Variants in EPB41L3 observed in about 807,000 individuals in gnomAD.
EPB41L3 encodes erythrocyte membrane protein band 4.1 like 3, also known as band 4.1-like protein 3.
A neutral mutation model predicts 127.1 loss-of-function variants in EPB41L3; 57 were observed. The observed-to-expected ratio is 0.45, with a 90% confidence interval of 0.36 to 0.56. The LOEUF is 0.56. EPB41L3 is among the 20% of genes least tolerant of loss of function. EPB41L3 has a pLI of 0.00. For missense variants in EPB41L3, 1,273 were observed against 1,372.2 expected, an observed-to-expected ratio of 0.93 and a Z score of 1.14; for synonymous variants, 572 against 549.5, an observed-to-expected ratio of 1.04 and a Z score of -0.57.
intron 11 of EPB41L3, among the ~76,000 whole-genome samples, chr18:5,420,461 T>A (rs2077340252): frequency 6.6e-6 from 1 of 152,204 alleles, no homozygotes; most frequent in Admixed American, 6.5e-5. Context: ...ATATTAACCA[T>A]CTTGGTAGAG....
At position 5,471,074 on chromosome 18, in the gene EPB41L3, C is replaced by A. The variant is rs139264598; in HGVS notation, c.381+7167G>T. ...TAGGTGTGAGCTGGTACCTGCCATG[C>A]AGGAGCAGAGTGGGCGTCAGGCAGG... On this transcript the variant is annotated intron_variant, in intron 3 of 22. Transcript: ENST00000341928. 4.4e-3 allele frequency among the ~76,000 whole-genome samples: 668 copies of A among 152,232 alleles called. 5 individuals are homozygous for A. The highest frequency in any genetic ancestry group is 0.015 in the African/African-American group (637 of 41,532).
chr18:5,409,254 T>C (rs1356332037), intron 14 of EPB41L3, among the ~76,000 whole-genome samples: 1 of 152,208 alleles, frequency 6.6e-6, no homozygotes, highest in East Asian at 1.9e-4. Flanking sequence ...AGGTACTCCC[T>C]TGCATGCTTT....
chr18:5,461,400 T>C (rs549136358), intron 3 of EPB41L3, among the ~76,000 whole-genome samples: 46 of 152,196 alleles, frequency 3.0e-4, no homozygotes, highest in Non-Finnish European at 5.6e-4. Flanking sequence ...TGAGGTGCAT[T>C]CCTAAGTGCA....
At chr18:5,542,970 G>A (rs960975373) in intron 1 of EPB41L3, among the ~76,000 whole-genome samples, 3 of 152,070 alleles carry the variant, frequency 2.0e-5, no homozygotes, top group Non-Finnish European at 2.9e-5. Context: ...CAACTCCAGC[G>A]GTCCGAAGCC....
At position 5,393,359 on chromosome 18, in the gene EPB41L3, C is replaced by T; in HGVS notation, c.*126G>A. The T allele has an allele frequency of 1.7e-6, 1 of 593,068 alleles. No homozygotes were observed. Among genetic ancestry groups the T allele is most frequent in the Non-Finnish European group, 3.0e-6 (1 of 332,040 alleles). 36.7% of individuals were successfully genotyped at this position (593,068 alleles called of 1,614,324 possible). A position where few individuals can be genotyped will look rare whatever the true frequency, so the allele number is the denominator to read the frequency against. ...TTATTAATGGTCAAGGTCAATTCTT[C>T]TGGACTGAAATTTTCCACGGACAGA... is the stretch of plus-strand genomic sequence containing the variant. On this transcript the variant is annotated 3_prime_UTR_variant, in exon 23 of 23. Transcript: ENST00000341928.
intron 3 of EPB41L3, among the ~76,000 whole-genome samples, chr18:5,575,993 A>G (rs1334498626): frequency 1.3e-5 from 2 of 152,188 alleles, no homozygotes; most frequent in African/African-American, 4.8e-5. Context: ...AAATATGAAT[A>G]ACATCCATAC....
At chr18:5,529,484 T>C (rs1444807379) in intron 1 of EPB41L3, among the ~76,000 whole-genome samples, 3 of 152,014 alleles carry the variant, frequency 2.0e-5, no homozygotes, top group Non-Finnish European at 4.4e-5. Flanking sequence ...GGGTTGAAGA[T>C]GAAAGGGAAG....
At chr18:5,557,376 G>GT (rs147421805) in intron 3 of EPB41L3, among the ~76,000 whole-genome samples, 6,834 of 152,154 alleles carry the variant, frequency 0.045, 291 homozygotes, top group African/African-American at 0.1. Context: ...CAAAACACTT[G>GT]TTTTTTTGTT....
chr18:5,406,987 G>C lies in EPB41L3; in HGVS notation c.2158-19C>G. 6.2e-7 allele frequency: 1 copy of C among 1,600,222 alleles called. No homozygotes were observed. The highest frequency in any genetic ancestry group is 8.6e-7 in the Non-Finnish European group (1 of 1,167,488). On this transcript the variant is annotated intron_variant, in intron 15 of 22. Transcript: ENST00000341928. ...CTAGCTCCTATATTCAGAACATAAA[G>C]TATCCAACAGTCAATGTTTTACATT...
intron 3 of EPB41L3, among the ~76,000 whole-genome samples, chr18:5,471,603 T>TA (rs1220792087): frequency 6.6e-6 from 1 of 152,176 alleles, no homozygotes; most frequent in African/African-American, 2.4e-5. Flanking sequence ...AACCATAGTA[T>TA]TGTACAAAAT....
In EPB41L3 at chr18:5,406,080, G is replaced by A. The variant is rs530151568; in HGVS notation, c.2349+697C>T. 9.2e-5 allele frequency among the ~76,000 whole-genome samples: 14 copies of A among 151,774 alleles called. No individual in the cohort carries two copies. The East Asian group carries it at 1.6e-3, about 17-fold the overall frequency. ...AGCCCGGCCAACATGGCAAAACCCCGTCTCTATTAAAAATACAAAAATTAG... is the reference window on the plus strand; with the variant it reads ...AGCCCGGCCAACATGGCAAAACCCCATCTCTATTAAAAATACAAAAATTAG... On this transcript the variant is annotated intron_variant, in intron 16 of 22. Coordinates refer to ENST00000341928, the MANE Select transcript of EPB41L3 (RefSeq NM_012307.5).
intron 1 of EPB41L3, among the ~76,000 whole-genome samples, chr18:5,541,854 T>C (rs1418810990): frequency 6.6e-6 from 1 of 152,244 alleles, no homozygotes; most frequent in Non-Finnish European, 1.5e-5. Context: ...TGGCTACTCT[T>C]CTTGTTATGG....
chr18:5,499,829 G>GTATATATATATATATATA (rs35194563), intron 1 of EPB41L3, among the ~76,000 whole-genome samples: 203 of 124,624 alleles, frequency 1.6e-3, no homozygotes, highest in African/African-American at 5.8e-3. Flanking sequence ...CTATGTGTGT[G>GTATATATATATATATATA]TATATATATA....
intron 1 of EPB41L3, among the ~76,000 whole-genome samples, chr18:5,499,683 C>G (rs770642471): frequency 6.6e-6 from 1 of 151,846 alleles, no homozygotes; most frequent in African/African-American, 2.4e-5. Flanking sequence ...AGGACAATGG[C>G]GTGAACCTGG....
chr18:5,489,228 C>T, intron 1 of EPB41L3, 34 bp from the exon 2 acceptor site: 1 of 1,568,516 alleles, frequency 6.4e-7, no homozygotes, highest in Non-Finnish European at 8.6e-7. Flanking sequence ...GCAGGTCACT[C>T]CGTGCCACTA....
chr18:5,497,286 G>A (rs1443219453), intron 1 of EPB41L3, among the ~76,000 whole-genome samples: 2 of 152,144 alleles, frequency 1.3e-5, no homozygotes, highest in Non-Finnish European at 1.5e-5. Context: ...AGGGTCTTAT[G>A]GATGCTTTTA....
intron 3 of EPB41L3, among the ~76,000 whole-genome samples, chr18:5,567,794 T>TA (rs1182729340): frequency 6.6e-6 from 1 of 152,234 alleles, no homozygotes; most frequent in Non-Finnish European, 1.5e-5. Context: ...CTTTACTTTT[T>TA]ATGTGTAATA....
chr18:5,484,104 A>AC (rs2089213109), intron 2 of EPB41L3, among the ~76,000 whole-genome samples: 1 of 135,650 alleles, frequency 7.4e-6, no homozygotes, highest in African/African-American at 2.9e-5. Flanking sequence ...AAAAAAAAAA[A>AC]AAAAAAAAAA....
At chr18:5,583,831 G>A (rs530279989) in intron 3 of EPB41L3, among the ~76,000 whole-genome samples, 10 of 151,842 alleles carry the variant, frequency 6.6e-5, no homozygotes, top group East Asian at 5.8e-4. Flanking sequence ...ATTTGTTTTC[G>A]GAGTTTCACT....
Sources: allele counts gnomAD v4.1 joint callset (sites outside exome capture counted in the v4.1 genomes callset), GRCh38; gene constraint gnomAD v4.1.1; transcripts MANE v1.5; gene names NCBI Gene and HGNC (gene_info 2026-07-23, HGNC 2026-07-21).